Variants in WNK2 observed in about 807,000 individuals in gnomAD.
WNK2 encodes the protein WNK lysine deficient protein kinase 2.
A neutral mutation model predicts 192.1 loss-of-function variants in WNK2; 67 were observed. That is an observed-to-expected ratio of 0.35 (90% confidence interval 0.29 to 0.43). WNK2 has a LOEUF of 0.43. Among genes scored for constraint, WNK2 ranks in the 20% least tolerant of loss-of-function variants. The pLI, the probability that WNK2 is intolerant of heterozygous loss-of-function variation, is 1.00. For missense variants in WNK2, 2,698 were observed against 3,089.7 expected, an observed-to-expected ratio of 0.87 and a Z score of 3.01; for synonymous variants, 1,439 against 1,393.9, an observed-to-expected ratio of 1.03 and a Z score of -0.72.
At chr9:93,208,475 G>A (rs563788569) in intron 2 of WNK2, among the ~76,000 whole-genome samples, 10 of 152,162 alleles carry the variant, frequency 6.6e-5, no homozygotes, top group Non-Finnish European at 1.0e-4. Context: ...TTCTCCATGT[G>A]CATGTGTTCT....
At chr9:93,187,315 G>A (rs544808592) in intron 2 of WNK2, among the ~76,000 whole-genome samples, 27 of 152,282 alleles carry the variant, frequency 1.8e-4, no homozygotes, top group South Asian at 6.2e-4. Flanking sequence ...CCTCTGTCCA[G>A]GGGTCTCTTG....
chr9:93,239,615 C>A lies in WNK2; in HGVS notation c.1323-142C>A. 3.1e-6 allele frequency: 2 copies of A among 647,778 alleles called. No homozygotes were observed. Among genetic ancestry groups the A allele is most frequent in the East Asian group, 2.8e-5 (1 of 36,324 alleles). The allele number at this position is 647,778 out of a possible 1,614,324, so 40.1% of individuals were successfully genotyped here. A position where few individuals can be genotyped will look rare whatever the true frequency, so the allele number is the denominator to read the frequency against. ...TGGATTCACTGAAATCTTTTCTTTA[C>A]CCCTGGGAGTGCTGAGACATGAGGC... On this transcript the variant is annotated intron_variant, in intron 6 of 29. Coordinates refer to ENST00000427277, the MANE Select transcript of WNK2 (RefSeq NM_006648.4). This position sits in a 1 kb window ranked among gnomAD's most constrained non-coding sequence, Gnocchi z 4.2.
Position 93,289,212 on chromosome 9 carries a change from C to G in WNK2, c.4458C>G (p.Ser1486Arg). The G allele has an allele frequency of 6.2e-7, 1 of 1,603,786 alleles. No homozygotes were observed. The highest frequency in any genetic ancestry group is 8.5e-7 in the Non-Finnish European group (1 of 1,177,980). ...PPPAPEPSPH[S>R]GTPQPALGQP... Reference sequence around the variant, plus strand: ...CTGCACCTGAGCCCAGCCCCCACAGCGGGACCCCACAGCCCGCCTTGGGTC... The same window carrying G: ...CTGCACCTGAGCCCAGCCCCCACAGGGGGACCCCACAGCCCGCCTTGGGTC... Residue 1486 changes from serine (S) to arginine (R), a missense_variant, in exon 20 of 30, where the codon AGC (serine) becomes AGG (arginine). Ser to Arg is a moderately radical substitution (Grantham distance 110, BLOSUM62 -1). Transcript: ENST00000427277.
In WNK2 at chr9:93,288,936, G is replaced by A. The variant is rs1848881505; in HGVS notation, c.4182G>A (p.Leu1394=). Reference sequence around the variant, plus strand: ...CCTCCTCCCCTCCTGTGACTGCTCTGCCCCAAGATGGAGCAGCTCCAGCCA... The same window carrying A: ...CCTCCTCCCCTCCTGTGACTGCTCTACCCCAAGATGGAGCAGCTCCAGCCA... ...LAPSSPPVTA[L]PQDGAAPATS... The change falls in exon 20 of 30, where the codon CTG becomes CTA. Residue 1394 remains leucine, a synonymous_variant. Transcript: ENST00000427277. The A allele has an allele frequency of 2.5e-6, 4 of 1,606,918 alleles. No individual in the cohort carries two copies. The highest frequency in any genetic ancestry group is 3.4e-6 in the Non-Finnish European group (4 of 1,177,368).
intron 19 of WNK2, among the ~76,000 whole-genome samples, chr9:93,274,926 A>G (rs187387957): frequency 6.6e-6 from 1 of 152,368 alleles, no homozygotes; most frequent in Admixed American, 6.5e-5. Context: ...AAATCATTTT[A>G]CGAGGCCAGC....
chr9:93,298,438 C>T lies in WNK2; in HGVS notation c.5923+371C>T, dbSNP rs117355683. On this transcript the variant is annotated intron_variant, in intron 24 of 29. Coordinates refer to ENST00000427277, the MANE Select transcript of WNK2 (RefSeq NM_006648.4). ...ACCCATTTCTTGGGTGTGTGCCAGC[C>T]GAGCAGCTGTCGTTAGGGGCTGGGG... Among the ~76,000 whole-genome samples the T allele has an allele frequency of 9.7e-3, 1,471 of 152,272 alleles. 11 individuals carry two copies. Among genetic ancestry groups the T allele is most frequent in the South Asian group, 0.027 (129 of 4,822 alleles).
rs150772864 is a variant in WNK2 at position 93,299,025 on chromosome 9, C to T, written c.5924-45C>T. The stretch of plus-strand genomic sequence containing the variant: ...AGACTCAATCCACACGGCCCCGACC[C>T]GGCGGCGCCTCATCGTGCCTGTCGC... On this transcript the variant is annotated intron_variant, in intron 24 of 29. Coordinates refer to ENST00000427277, the MANE Select transcript of WNK2 (RefSeq NM_006648.4). 1.2e-4 allele frequency: 184 copies of T among 1,571,640 alleles called. 1 individual carries two copies. In the African/African-American group the frequency reaches 1.9e-3, roughly 16 times the overall value.
rs1458802592 is a variant in WNK2, at chr9:93,247,619, A to C, written c.1619A>C (p.Gln540Pro). 1 of 1,600,956 alleles carries C rather than the reference A, an allele frequency of 6.2e-7. No homozygotes were observed. The highest frequency in any genetic ancestry group is 1.7e-4 in the Middle Eastern group (1 of 6,050). Residue 540 changes from glutamine (Q) to proline (P), a missense_variant, in exon 8 of 30, where the codon CAG becomes CCG. Physicochemically the swap from Gln to Pro is moderately conservative, Grantham distance 76 (BLOSUM62 -1). This residue lies in a region of WNK2 where 230 missense variants were observed against 501.1 expected (regional missense o/e 0.46). Transcript: ENST00000427277. The surrounding 1 kb of genome is among the most constrained non-coding windows in gnomAD (Gnocchi z 5.2). ...KSIRDRVALI[Q>P]WRRERIWPAL... The stretch of plus-strand genomic sequence containing the variant: ...ATCCGTGACCGCGTGGCCTTGATCC[A>C]GTGGCGGCGGGAGAGGATCTGGCCC...
chr9:93,212,073 TCTA>T (rs1564000839), intron 2 of WNK2, among the ~76,000 whole-genome samples: 1 of 152,222 alleles, frequency 6.6e-6, no homozygotes, highest in Non-Finnish European at 1.5e-5. Flanking sequence ...CAGTTATTCA[TCTA>T]CTCATTCATC....
intron 2 of WNK2, among the ~76,000 whole-genome samples, chr9:93,206,230 A>G (rs184225627): frequency 6.6e-5 from 10 of 152,146 alleles, no homozygotes; most frequent in East Asian, 1.9e-4. Flanking sequence ...GTAGGGCCCC[A>G]TTTCTTTGGG....
intron 7 of WNK2, among the ~76,000 whole-genome samples, chr9:93,243,781 C>T (rs548054038): frequency 1.3e-5 from 2 of 152,334 alleles, no homozygotes; most frequent in Admixed American, 1.3e-4. Context: ...ACACCAGAGT[C>T]CGTCACTGGC....
chr9:93,220,524 A>C (rs941602681), intron 2 of WNK2, among the ~76,000 whole-genome samples: 4 of 152,176 alleles, frequency 2.6e-5, no homozygotes, highest in South Asian at 2.1e-4. Context: ...ATGACCCTGC[A>C]GCCCAGCCAG....
intron 5 of WNK2, among the ~76,000 whole-genome samples, chr9:93,236,710 C>T (rs1030876421): frequency 6.6e-6 from 1 of 152,122 alleles, no homozygotes. Context: ...CTGCCACCCG[C>T]ACCCCCCCGC....
intron 2 of WNK2, among the ~76,000 whole-genome samples, chr9:93,207,842 GA>G (rs949396751): frequency 2.0e-5 from 3 of 151,634 alleles, no homozygotes; most frequent in Non-Finnish European, 4.4e-5. Flanking sequence ...TACAGGAAAG[GA>G]AAAAAAAGAA....
chr9:93,251,245 A>C (rs1173322387), intron 8 of WNK2, among the ~76,000 whole-genome samples: 1 of 152,120 alleles, frequency 6.6e-6, no homozygotes, highest in East Asian at 1.9e-4. Context: ...CCTCCTGAGT[A>C]GCTGGGACTA....
At chr9:93,221,651 T>C (rs1368526362) in intron 2 of WNK2, among the ~76,000 whole-genome samples, 4 of 152,230 alleles carry the variant, frequency 2.6e-5, no homozygotes, top group South Asian at 4.1e-4. Context: ...TAATTTATGA[T>C]AGTGATTCAG....
At chr9:93,211,150 T>C (rs1563996453) in intron 2 of WNK2, among the ~76,000 whole-genome samples, 9 of 151,568 alleles carry the variant, frequency 5.9e-5, no homozygotes, top group African/African-American at 9.7e-5. Flanking sequence ...ACTCACTTAT[T>C]CACTCACAGA....
At chr9:93,225,947 T>A (rs552653351) in intron 2 of WNK2, among the ~76,000 whole-genome samples, 19 of 151,792 alleles carry the variant, frequency 1.3e-4, no homozygotes, top group African/African-American at 4.1e-4. Flanking sequence ...TTGTGTTGTG[T>A]TGTATTGTGT....
chr9:93,188,526 C>T (rs1159580390), intron 2 of WNK2, among the ~76,000 whole-genome samples: 2 of 152,224 alleles, frequency 1.3e-5, no homozygotes, highest in Non-Finnish European at 2.9e-5. Flanking sequence ...AAATACCTCC[C>T]TGTCATTCTT....
Sources: allele counts gnomAD v4.1 joint callset (sites outside exome capture counted in the v4.1 genomes callset), GRCh38; gene constraint gnomAD v4.1.1; regional missense constraint gnomAD v4.1.1; non-coding constraint Gnocchi (gnomAD v3.1); transcripts MANE v1.5; gene names NCBI Gene and HGNC (gene_info 2026-07-23, HGNC 2026-07-21).